The following OARD1 variants were observed in gnomAD, a reference collection of about 807,000 sequenced individuals.
OARD1 encodes the protein O-acyl-ADP-ribose deacylase 1.
Under a neutral mutation model 19.7 loss-of-function variants are expected in OARD1, and 19 were observed. The ratio of observed to expected loss-of-function variants is 0.96; its 90% CI spans 0.67 to 1.41. The LOEUF (loss-of-function observed/expected upper bound fraction) is 1.41. OARD1 is among the 40% of genes most tolerant of loss of function. OARD1 has a pLI of 0.00. For synonymous variants in OARD1, 70 were observed against 61.8 expected, an observed-to-expected ratio of 1.13 and a Z score of -0.62; for missense variants, 190 against 183.8, an observed-to-expected ratio of 1.03 and a Z score of -0.20.
chr6:41,096,798 G>A (rs1243676903), intron 1 of OARD1, among the ~76,000 whole-genome samples: 1 of 152,182 alleles, frequency 6.6e-6, no homozygotes, highest in Non-Finnish European at 1.5e-5. Flanking sequence ...GATGAAATGG[G>A]AGTCAGGAGA....
chr6:41,091,059 A>G (rs1764186585), intron 1 of OARD1, among the ~76,000 whole-genome samples: 1 of 152,236 alleles, frequency 6.6e-6, no homozygotes, highest in African/African-American at 2.4e-5. Flanking sequence ...ATGGTGAACA[A>G]ATCCTCAAGT....
upstream of OARD1, among the ~76,000 whole-genome samples, chr6:41,074,737 A>G (rs1763685525): frequency 6.6e-6 from 1 of 152,194 alleles, no homozygotes; most frequent in South Asian, 2.1e-4. Context: ...ATTATTTTGT[A>G]TGGAGGTTCA....
chr6:41,092,061 T>C (rs1026142881), intron 1 of OARD1, among the ~76,000 whole-genome samples: 6 of 152,196 alleles, frequency 3.9e-5, no homozygotes, highest in African/African-American at 1.4e-4. Flanking sequence ...AGAAAGATTG[T>C]AATTGATAGA....
At chr6:41,079,132 A>G (rs758251167) in intron 1 of OARD1, 1 of 1,614,218 alleles carries the variant, frequency 6.2e-7, no homozygotes, top group East Asian at 2.2e-5. Flanking sequence ...GACAGAGCAG[A>G]TTGTTGTCCA....
Position 41,067,310 on chromosome 6 carries a change from G to T in OARD1, c.*25C>A. ...CAGTAGAGATGACACAGGAGAACAC[G>T]GAAACATCCAAAATGTTCACTGGTT... On this transcript the variant is annotated 3_prime_UTR_variant, in exon 6 of 6. Transcript: ENST00000424266. 1.3e-6 allele frequency: 2 copies of T among 1,497,394 alleles called. No individual in the cohort carries two copies. Among genetic ancestry groups the T allele is most frequent in the Non-Finnish European group, 1.9e-6 (2 of 1,075,714 alleles). 92.8% of individuals were successfully genotyped at this position (1,497,394 alleles called of 1,614,324 possible).
At chr6:41,090,359 TC>T (rs778612558) in intron 1 of OARD1, 2 of 1,170,050 alleles carry the variant, frequency 1.7e-6, no homozygotes, top group Admixed American at 1.8e-5. Context: ...AACTTTTTTG[TC>T]CCTTAGACAA....
At chr6:41,070,043 CCCTG>C in intron 4 of OARD1, 29 bp downstream of exon 4, 1 of 1,270,242 alleles carries the variant, frequency 7.9e-7, no homozygotes, top group Non-Finnish European at 1.2e-6. Context: ...TAAGAACTGG[CCCTG>C]AAAAAAAAAG....
chr6:41,074,856 A>T (rs1763690683), upstream of OARD1, among the ~76,000 whole-genome samples: 1 of 152,190 alleles, frequency 6.6e-6, no homozygotes, highest in Non-Finnish European at 1.5e-5. Context: ...GGGGATGAAG[A>T]GGAGACTTGT....
chr6:41,084,688 C>T (rs1033340855), intron 1 of OARD1, among the ~76,000 whole-genome samples: 1 of 152,220 alleles, frequency 6.6e-6, no homozygotes, highest in Admixed American at 6.5e-5. Flanking sequence ...GAAGGCCAGG[C>T]GCAGTGGCTC....
chr6:41,067,337 A>G lies in OARD1; in HGVS notation c.457T>C (p.Ter153ArgextTer28). The G allele has an allele frequency of 6.3e-7, 1 of 1,594,524 alleles. No individual in the cohort carries two copies. The highest frequency in any genetic ancestry group is 1.1e-5 in the South Asian group (1 of 90,598). Reference protein sequence around the residue: ...TDIKITVYTL* With the variant: ...TDIKITVYTLR ...AAACATCCAAAATGTTCACTGGTTCAGAGTGTGTACACAGTAATTTTGATG... is the reference window on the plus strand; with the variant it reads ...AAACATCCAAAATGTTCACTGGTTCGGAGTGTGTACACAGTAATTTTGATG... Residue 153 changes from the stop codon to arginine, a stop_lost, in exon 6 of 6, where the codon TGA (stop) becomes CGA (arginine). Coordinates refer to ENST00000424266, the MANE Select transcript of OARD1 (RefSeq NM_001329686.2).
intron 1 of OARD1, chr6:41,094,475 A>G (rs762258796): frequency 2.5e-6 from 4 of 1,613,830 alleles, no homozygotes; most frequent in Non-Finnish European, 3.4e-6. Context: ...TCTCCAAAGG[A>G]AAAGGATAGT....
At chr6:41,075,980 C>A (rs368675520), upstream of OARD1, among the ~76,000 whole-genome samples, 39 of 152,320 alleles carry the variant, frequency 2.6e-4, no homozygotes, top group African/African-American at 9.1e-4. Context: ...ATCCAGAAAT[C>A]TGTAGGATGA....
At position 41,071,208 on chromosome 6, in the gene OARD1, C is replaced by T. The variant is rs781437305; in HGVS notation, c.108G>A (p.Glu36=). ...KTDSLAHCIS[E]DCRMGAGIAV... Reference sequence around the variant, plus strand: ...CTATCCCAGCGCCCATGCGACAATCCTCACTGATACAGTGGGCTAAAGAGT... The same window carrying T: ...CTATCCCAGCGCCCATGCGACAATCTTCACTGATACAGTGGGCTAAAGAGT... Residue 36 remains glutamate, a synonymous_variant, in exon 3 of 6, where the codon GAG becomes GAA. Coordinates refer to ENST00000424266, the MANE Select transcript of OARD1 (RefSeq NM_001329686.2). 6.2e-7 allele frequency: 1 copy of T among 1,614,170 alleles called. No individual in the cohort carries two copies. The highest frequency in any genetic ancestry group is 8.5e-7 in the Non-Finnish European group (1 of 1,179,970).
intron 1 of OARD1, among the ~76,000 whole-genome samples, chr6:41,078,345 G>A (rs1763797962): frequency 6.6e-6 from 1 of 152,170 alleles, no homozygotes; most frequent in Admixed American, 6.5e-5. Context: ...GCTCAGTTAG[G>A]TCACGTCATT....
chr6:41,071,704 G>A (rs1233372358), intron 1 of OARD1, 29 bp from the exon 2 acceptor site: 2 of 1,280,532 alleles, frequency 1.6e-6, no homozygotes, highest in Admixed American at 1.7e-5. Context: ...AAGTAAAAAT[G>A]CTTAGGCAGC....
At position 41,066,797 on chromosome 6, in the gene OARD1, C is replaced by T. The variant is rs1291054869; in HGVS notation, c.*538G>A. 6.6e-6 allele frequency: 1 copy of T among 152,224 alleles called. No homozygotes were observed. Among genetic ancestry groups the T allele is most frequent in the African/African-American group, 2.4e-5 (1 of 41,432 alleles). 9.4% of individuals were successfully genotyped at this position (152,224 alleles called of 1,614,324 possible). A position where few individuals can be genotyped will look rare whatever the true frequency, so the allele number is the denominator to read the frequency against. Reference sequence around the variant, plus strand: ...ACATAAGCACAGAACCTCACTAACTCCCCAAATTTTTATTTTTCCATTTTT... The same window carrying T: ...ACATAAGCACAGAACCTCACTAACTTCCCAAATTTTTATTTTTCCATTTTT... On this transcript the variant is annotated 3_prime_UTR_variant, in exon 6 of 6. Transcript: ENST00000424266.
intron 1 of OARD1, chr6:41,091,699 G>C: frequency 6.2e-7 from 1 of 1,605,434 alleles, no homozygotes; most frequent in East Asian, 2.2e-5. Context: ...GTCATGGTAA[G>C]AAAATGTATT....
chr6:41,079,849 A>G (rs997377810), intron 1 of OARD1, among the ~76,000 whole-genome samples: 1 of 152,202 alleles, frequency 6.6e-6, no homozygotes, highest in African/African-American at 2.4e-5. Flanking sequence ...TGTTTTCAAA[A>G]TGGAATTTAG....
intron 1 of OARD1, among the ~76,000 whole-genome samples, chr6:41,081,588 T>C (rs1763907076): frequency 6.6e-6 from 1 of 152,194 alleles, no homozygotes; most frequent in Admixed American, 6.5e-5. Flanking sequence ...GAAGGAAATA[T>C]ATACATATAC....
Sources: gnomAD v4.1 joint callset for allele counts (sites outside exome capture counted in the v4.1 genomes callset) on GRCh38, gnomAD v4.1.1 for gene constraint, MANE v1.5 for transcripts, NCBI Gene and HGNC (gene_info 2026-07-23, HGNC 2026-07-21) for gene names.